The following DACH1 variants were observed in gnomAD, a reference collection of about 807,000 sequenced individuals.
DACH1 encodes the protein dachshund family transcription factor 1, also known as dachshund homolog 1.
In DACH1, 12 loss-of-function variants were observed where a neutral mutation model predicts 54.2. That is an observed-to-expected ratio of 0.22 (90% CI 0.14 to 0.36). The LOEUF (loss-of-function observed/expected upper bound fraction) is 0.36, where lower values mean the gene tolerates loss of function less well. Among genes scored for constraint, DACH1 ranks in the 10% least tolerant of loss-of-function variants. DACH1 has a pLI of 1.00. For synonymous variants in DACH1, 386 were observed against 366.2 expected, an observed-to-expected ratio of 1.05 and a Z score of -0.62; for missense variants, 805 against 929.8, an observed-to-expected ratio of 0.87 and a Z score of 1.75.
intron 1 of DACH1, among the ~76,000 whole-genome samples, chr13:71,842,478 T>C (rs181614516): frequency 2.9e-4 from 44 of 151,550 alleles, no homozygotes; most frequent in African/African-American, 1.0e-3. Context: ...CTCAGAAGGC[T>C]GAGGTGGGAG....
At chr13:71,517,237 A>G (rs1881229593) in intron 6 of DACH1, among the ~76,000 whole-genome samples, 1 of 151,878 alleles carries the variant, frequency 6.6e-6, no homozygotes, top group Admixed American at 6.6e-5. Context: ...CACTGTTATC[A>G]AATGGTTGTA....
At chr13:71,684,484 A>G (rs1352912917) in intron 1 of DACH1, among the ~76,000 whole-genome samples, 1 of 152,100 alleles carries the variant, frequency 6.6e-6, no homozygotes, top group African/African-American at 2.4e-5. Flanking sequence ...CACTGTCTTT[A>G]AAGATGCTGC....
chr13:71,595,260 A>T (rs1385503528), intron 3 of DACH1, among the ~76,000 whole-genome samples: 3 of 152,030 alleles, frequency 2.0e-5, no homozygotes, highest in African/African-American at 7.2e-5. Context: ...AAGGAAAGGG[A>T]ATCAGAGTAG....
rs558963049 is a variant in DACH1 at position 71,637,892 on chromosome 13, C to A, written c.965-7175G>T. ...GAGACATATTGCTGTCAAATTCTTT[C>A]TCTGATCTGTTTGTTTGCTCATTAA... is the stretch of plus-strand genomic sequence containing the variant. On this transcript the variant is annotated intron_variant, in intron 2 of 10. Transcript: ENST00000613252. Among the ~76,000 whole-genome samples, 41 of 152,176 alleles carry A rather than the reference C, an allele frequency of 2.7e-4. No individual in the cohort carries two copies. The Middle Eastern group carries it at 0.017, about 63-fold the overall frequency.
chr13:71,754,259 G>A lies in DACH1; in HGVS notation c.849-72349C>T, dbSNP rs577730656. Among the ~76,000 whole-genome samples the A allele has an allele frequency of 3.9e-5, 6 of 152,140 alleles. No homozygotes were observed. The South Asian group carries it at 6.2e-4, about 16-fold the overall frequency. ...TCGTGCCCATTTCCCTTCTGGCATC[G>A]CCCATGGCTCTGGATATAGATACTC... On this transcript the variant is annotated intron_variant, in intron 1 of 10. Coordinates refer to ENST00000613252, the MANE Select transcript of DACH1 (RefSeq NM_080759.6).
At chr13:71,532,100 G>A (rs1882458140) in intron 6 of DACH1, among the ~76,000 whole-genome samples, 2 of 151,754 alleles carry the variant, frequency 1.3e-5, no homozygotes, top group African/African-American at 4.8e-5. Flanking sequence ...TTTTTCTAAG[G>A]TCTCTGATAA....
At chr13:71,802,716 CAA>C (rs1374841250) in intron 1 of DACH1, among the ~76,000 whole-genome samples, 1 of 150,910 alleles carries the variant, frequency 6.6e-6, no homozygotes, top group Non-Finnish European at 1.5e-5. Context: ...ATAATGAAAA[CAA>C]AATTAATTTG....
chr13:71,741,821 A>G (rs183252240), intron 1 of DACH1, among the ~76,000 whole-genome samples: 6 of 152,300 alleles, frequency 3.9e-5, no homozygotes, highest in Admixed American at 2.0e-4. Context: ...ACTTAGTCAA[A>G]GAATGAAACA....
chr13:71,552,766 CAT>C (rs369349397), intron 6 of DACH1, among the ~76,000 whole-genome samples: 57 of 86,626 alleles, frequency 6.6e-4, no homozygotes, highest in African/African-American at 1.4e-3. Flanking sequence ...AGTTTTCATG[CAT>C]ATATATATAT....
At chr13:71,799,736 C>T (rs1207964884) in intron 1 of DACH1, among the ~76,000 whole-genome samples, 1 of 152,058 alleles carries the variant, frequency 6.6e-6, no homozygotes, top group African/African-American at 2.4e-5. Context: ...AGCTATGAAT[C>T]TACAAATGCA....
chr13:71,552,889 A>G lies in DACH1; in HGVS notation c.1570+4135T>C, dbSNP rs184048080. On this transcript the variant is annotated intron_variant, in intron 6 of 10. Coordinates refer to ENST00000613252, the MANE Select transcript of DACH1 (RefSeq NM_080759.6). ...GAGAGAGAGAGAGAGAGAAAGAGAC[A>G]GAACTAATAGACCAGGTGTGGTAGC... Among the ~76,000 whole-genome samples the G allele has an allele frequency of 7.7e-4, 104 of 135,060 alleles. No individual in the cohort carries two copies. In the East Asian group the frequency reaches 0.018, roughly 23 times the overall value. 88.6% of individuals were successfully genotyped at this position (135,060 alleles called of 152,430 possible).
intron 10 of DACH1, among the ~76,000 whole-genome samples, chr13:71,452,284 T>C (rs1875132086): frequency 6.6e-6 from 1 of 152,072 alleles, no homozygotes; most frequent in South Asian, 2.1e-4. Flanking sequence ...TGTGCCACCA[T>C]GCCTGGCTCA....
At position 71,491,784 on chromosome 13, in the gene DACH1, C is replaced by T. The variant is rs968356691; in HGVS notation, c.1571-2636G>A. ...CATAGAAGATTTCGTTTAGCTCTTC[C>T]TACAAAGATTGTAATATTGGGACCA... On this transcript the variant is annotated intron_variant, in intron 6 of 10. Coordinates refer to ENST00000613252, the MANE Select transcript of DACH1 (RefSeq NM_080759.6). Among the ~76,000 whole-genome samples, 3 of 152,060 alleles carry T rather than the reference C, an allele frequency of 2.0e-5. 1 individual carries two copies. The South Asian group carries it at 6.2e-4, about 32-fold the overall frequency.
At chr13:71,828,121 C>A (rs974581277) in intron 1 of DACH1, among the ~76,000 whole-genome samples, 5 of 151,994 alleles carry the variant, frequency 3.3e-5, no homozygotes, top group African/African-American at 4.8e-5. Context: ...CAGAAGCCAC[C>A]TTTCCGCTCC....
chr13:71,686,852 C>A (rs1261477720), intron 1 of DACH1, among the ~76,000 whole-genome samples: 1 of 152,096 alleles, frequency 6.6e-6, no homozygotes, highest in Non-Finnish European at 1.5e-5. Context: ...TCCATTCAAC[C>A]ATTCATTCAT....
At chr13:71,635,512 T>C (rs1043209410) in intron 2 of DACH1, among the ~76,000 whole-genome samples, 3 of 152,324 alleles carry the variant, frequency 2.0e-5, no homozygotes, top group East Asian at 1.9e-4. Context: ...AAAAAATTCA[T>C]GTAATAAATT....
chr13:71,861,200 C>T (rs958598418), intron 1 of DACH1, among the ~76,000 whole-genome samples: 2 of 151,778 alleles, frequency 1.3e-5, no homozygotes, highest in East Asian at 1.9e-4. Flanking sequence ...AATGTGAATA[C>T]CAGAATTTTT....
chr13:71,553,394 C>A lies in DACH1; in HGVS notation c.1570+3630G>T, dbSNP rs867171160. Among the ~76,000 whole-genome samples the A allele has an allele frequency of 9.9e-5, 10 of 101,452 alleles. 2 individuals are homozygous for A. Among genetic ancestry groups the A allele is most frequent in the South Asian group, 3.7e-4 (1 of 2,700 alleles). 66.6% of individuals were successfully genotyped at this position (101,452 alleles called of 152,430 possible). On this transcript the variant is annotated intron_variant, in intron 6 of 10. Transcript: ENST00000613252. ...CCATATATGTATATTAGACATATAT[C>A]CATATATGTATATTAGACATATATC...
At chr13:71,580,015 A>G (rs1292567332) in intron 3 of DACH1, among the ~76,000 whole-genome samples, 6 of 152,194 alleles carry the variant, frequency 3.9e-5, no homozygotes, top group Non-Finnish European at 8.8e-5. Context: ...TGTCTTGTAA[A>G]TACAGACTAT....
Sources: allele counts gnomAD v4.1 joint callset (sites outside exome capture counted in the v4.1 genomes callset), GRCh38; gene constraint gnomAD v4.1.1; transcripts MANE v1.5; gene names NCBI Gene and HGNC (gene_info 2026-07-23, HGNC 2026-07-21).